Variants in GPC5 observed in about 807,000 individuals in gnomAD.
GPC5 encodes glypican 5, also known as glypican-5.
Under a neutral mutation model 53.9 loss-of-function variants are expected in GPC5, and 47 were observed. The ratio of observed to expected loss-of-function variants is 0.87; its 90% confidence interval spans 0.69 to 1.11. The LOEUF is 1.11. Ranked by LOEUF, GPC5 falls within the 50% of genes most tolerant of loss-of-function variation. The probability of loss-of-function intolerance (pLI) is 0.00; values close to 1 mark genes in which losing one functional copy is unlikely to be tolerated. For synonymous variants in GPC5, 286 were observed against 263.3 expected (o/e 1.09, Z -0.84); for missense variants, 748 against 713.1 (o/e 1.05, Z -0.56).
chr13:92,843,953 C>G (rs368006212), intron 7 of GPC5, among the ~76,000 whole-genome samples: 1 of 151,146 alleles, frequency 6.6e-6, no homozygotes, highest in Admixed American at 6.6e-5. Flanking sequence ...CACCCTTTGC[C>G]CCTGGCTGTT....
At chr13:92,839,530 A>C (rs1878346986) in intron 7 of GPC5, among the ~76,000 whole-genome samples, 1 of 148,968 alleles carries the variant, frequency 6.7e-6, no homozygotes, top group East Asian at 1.9e-4. Context: ...TTTAGCTCCC[A>C]CTTATAAGTG....
At position 92,763,400 on chromosome 13, in the gene GPC5, G is replaced by C. The variant is rs529143394; in HGVS notation, c.1562-102882G>C. Among the ~76,000 whole-genome samples the C allele has an allele frequency of 1.5e-3, 229 of 152,258 alleles. 2 individuals are homozygous for C. Among genetic ancestry groups the C allele is most frequent in the South Asian group, 6.2e-3 (30 of 4,828 alleles). ...AATGTTTGTTAGCATGACTATGGGTGGCCTACGCTGCAGAAGTTCGTGGCA... is the reference window on the plus strand; with the variant it reads ...AATGTTTGTTAGCATGACTATGGGTCGCCTACGCTGCAGAAGTTCGTGGCA... On this transcript the variant is annotated intron_variant, in intron 7 of 7. Coordinates refer to ENST00000377067, the MANE Select transcript of GPC5 (RefSeq NM_004466.6).
chr13:92,303,300 G>A (rs1214940223), intron 7 of GPC5, among the ~76,000 whole-genome samples: 3 of 152,064 alleles, frequency 2.0e-5, no homozygotes, highest in Non-Finnish European at 4.4e-5. Flanking sequence ...CCTGAGTTTT[G>A]TACTTGTTAG....
intron 5 of GPC5, among the ~76,000 whole-genome samples, chr13:91,902,191 G>A (rs1196828639): frequency 6.6e-6 from 1 of 151,908 alleles, no homozygotes; most frequent in Non-Finnish European, 1.5e-5. Context: ...AAATTCTATT[G>A]TATTCTAAAT....
intron 7 of GPC5, among the ~76,000 whole-genome samples, chr13:92,418,306 G>A (rs1876405463): frequency 6.6e-6 from 1 of 152,210 alleles, no homozygotes; most frequent in Non-Finnish European, 1.5e-5. Flanking sequence ...GAATTATATG[G>A]TATATGAATA....
chr13:91,553,138 G>A (rs1194834116), intron 2 of GPC5, among the ~76,000 whole-genome samples: 1 of 152,050 alleles, frequency 6.6e-6, no homozygotes, highest in Admixed American at 6.6e-5. Context: ...AAATGTATGA[G>A]GGGTATGTGG....
intron 2 of GPC5, among the ~76,000 whole-genome samples, chr13:91,688,398 CT>C (rs1446294293): frequency 1.3e-5 from 2 of 151,960 alleles, no homozygotes; most frequent in Non-Finnish European, 2.9e-5. Flanking sequence ...TTAAGAAATA[CT>C]TATGATCACA....
At chr13:92,153,872 A>G (rs2041924512) in intron 7 of GPC5, among the ~76,000 whole-genome samples, 1 of 150,974 alleles carries the variant, frequency 6.6e-6, no homozygotes, top group African/African-American at 2.4e-5. Flanking sequence ...TCACTTTTTA[A>G]ACAAGTATAT....
At chr13:91,410,599 G>A (rs1877676876) in intron 1 of GPC5, among the ~76,000 whole-genome samples, 1 of 151,746 alleles carries the variant, frequency 6.6e-6, no homozygotes, top group Non-Finnish European at 1.5e-5. Flanking sequence ...GCCCGCCTTG[G>A]CCTCCCAAAG....
intron 2 of GPC5, among the ~76,000 whole-genome samples, chr13:91,574,183 G>T (rs1054463155): frequency 3.1e-4 from 47 of 152,236 alleles, no homozygotes; most frequent in Admixed American, 1.9e-3. Context: ...TCTGGAACTT[G>T]TTTGACCTAA....
rs539080810 is a variant in GPC5 at position 91,814,441 on chromosome 13, C to T, written c.1280+58021C>T. On this transcript the variant is annotated intron_variant, in intron 5 of 7. Transcript: ENST00000377067. ...AAAAGGAACCTGACATCATAATATT[C>T]GGTATTTTTACAAGCAGGATATTAA... Among the ~76,000 whole-genome samples, 16 of 152,114 alleles carry T rather than the reference C, an allele frequency of 1.1e-4. 1 individual carries two copies. The highest frequency in any genetic ancestry group is 9.6e-4 in the East Asian group (5 of 5,182).
At chr13:92,717,646 T>C (rs1180737063) in intron 7 of GPC5, among the ~76,000 whole-genome samples, 1 of 152,186 alleles carries the variant, frequency 6.6e-6, no homozygotes, top group Non-Finnish European at 1.5e-5. Flanking sequence ...ATTTGGCTGT[T>C]TGAAATTCAC....
At chr13:92,152,207 G>T (rs2041912241) in intron 7 of GPC5, among the ~76,000 whole-genome samples, 1 of 152,080 alleles carries the variant, frequency 6.6e-6, no homozygotes, top group South Asian at 2.1e-4. Flanking sequence ...TCTTCTATGT[G>T]GTCATTTTGT....
At chr13:91,529,322 C>A (rs1446449912) in intron 2 of GPC5, among the ~76,000 whole-genome samples, 3 of 151,964 alleles carry the variant, frequency 2.0e-5, no homozygotes, top group Admixed American at 6.6e-5. Context: ...CAAATATATA[C>A]CCCATATTTT....
At chr13:92,719,456 T>C (rs1888439585) in intron 7 of GPC5, among the ~76,000 whole-genome samples, 1 of 152,224 alleles carries the variant, frequency 6.6e-6, no homozygotes, top group African/African-American at 2.4e-5. Context: ...TGTAACATTC[T>C]ATTCCTTCAG....
intron 2 of GPC5, among the ~76,000 whole-genome samples, chr13:91,507,379 A>G (rs1021142377): frequency 2.0e-5 from 3 of 152,162 alleles, no homozygotes; most frequent in African/African-American, 7.2e-5. Flanking sequence ...GAAGAGGTTT[A>G]TTGGAGTTAC....
At chr13:92,715,095 A>G (rs755186235) in intron 7 of GPC5, among the ~76,000 whole-genome samples, 14 of 152,216 alleles carry the variant, frequency 9.2e-5, no homozygotes, top group Non-Finnish European at 1.6e-4. Context: ...TAAGCAACAT[A>G]GTAACTTTAT....
chr13:92,406,155 G>T (rs1434161555), intron 7 of GPC5, among the ~76,000 whole-genome samples: 1 of 152,144 alleles, frequency 6.6e-6, no homozygotes, highest in Non-Finnish European at 1.5e-5. Context: ...TAACGACTGT[G>T]AATTATTCTA....
At chr13:92,600,263 T>C (rs1047634817) in intron 7 of GPC5, among the ~76,000 whole-genome samples, 4 of 152,204 alleles carry the variant, frequency 2.6e-5, no homozygotes, top group Non-Finnish European at 5.9e-5. Flanking sequence ...TTTGAATATA[T>C]TTCATCATCT....
Sources: allele counts gnomAD v4.1 joint callset (sites outside exome capture counted in the v4.1 genomes callset), GRCh38; gene constraint gnomAD v4.1.1; transcripts MANE v1.5; gene names NCBI Gene and HGNC (gene_info 2026-07-23, HGNC 2026-07-21).